Variants in PPP4R4 observed in about 807,000 individuals in gnomAD.
PPP4R4 encodes the protein protein phosphatase 4 regulatory subunit 4.
PPP4R4 carries 70 observed loss-of-function variants against 121.8 expected under a neutral mutation model. That is an observed-to-expected ratio of 0.57 (90% CI 0.47 to 0.70). The LOEUF is 0.70. Ranked by LOEUF, PPP4R4 falls within the 30% of genes least tolerant of loss-of-function variation. PPP4R4 has a pLI of 0.00. For synonymous variants in PPP4R4, 348 were observed against 355.7 expected (o/e 0.98, Z 0.24); for missense variants, 875 against 1,033.6 (o/e 0.85, Z 2.10).
intron 16 of PPP4R4, among the ~76,000 whole-genome samples, chr14:94,253,946 G>A (rs898961015): frequency 2.0e-5 from 3 of 152,186 alleles, no homozygotes; most frequent in Non-Finnish European, 4.4e-5. Flanking sequence ...GATCATGTTG[G>A]TTAGGAGGAC....
intron 16 of PPP4R4, among the ~76,000 whole-genome samples, chr14:94,254,083 T>A (rs1206992570): frequency 2.0e-5 from 3 of 152,186 alleles, no homozygotes; most frequent in African/African-American, 7.2e-5. Context: ...TATTCTGAGG[T>A]ACAAATAACT....
intron 16 of PPP4R4, among the ~76,000 whole-genome samples, chr14:94,253,565 G>A (rs1329267318): frequency 6.6e-6 from 1 of 152,184 alleles, no homozygotes; most frequent in East Asian, 1.9e-4. Context: ...TTCTATAAAA[G>A]CAACTTTCAA....
chr14:94,209,603 A>G (rs1890636312), intron 3 of PPP4R4, among the ~76,000 whole-genome samples: 1 of 152,032 alleles, frequency 6.6e-6, no homozygotes. Flanking sequence ...GCTTTTTTAT[A>G]TCTGTTTTTC....
chr14:94,200,381 G>A (rs985382318), intron 2 of PPP4R4, among the ~76,000 whole-genome samples: 2 of 152,168 alleles, frequency 1.3e-5, no homozygotes, highest in African/African-American at 4.8e-5. Flanking sequence ...GTGTTGGATA[G>A]TGGTAATGGC....
chr14:94,197,923 TATA>T (rs569088591), intron 2 of PPP4R4, among the ~76,000 whole-genome samples: 1 of 152,246 alleles, frequency 6.6e-6, no homozygotes, highest in South Asian at 2.1e-4. Flanking sequence ...CTGTATGGAA[TATA>T]ATAATTTGAT....
intron 3 of PPP4R4, among the ~76,000 whole-genome samples, chr14:94,213,656 T>C (rs1040485778): frequency 6.6e-6 from 1 of 152,058 alleles, no homozygotes; most frequent in Admixed American, 6.5e-5. Context: ...AAGAATGCAA[T>C]GTGAAGATGG....
intron 12 of PPP4R4, among the ~76,000 whole-genome samples, chr14:94,245,019 C>A (rs938836831): frequency 4.0e-5 from 6 of 151,844 alleles, no homozygotes; most frequent in African/African-American, 1.5e-4. Flanking sequence ...TATTTGTTTT[C>A]TTTTTCTTTT....
At chr14:94,202,105 A>G (rs1181500729) in intron 2 of PPP4R4, among the ~76,000 whole-genome samples, 1 of 152,152 alleles carries the variant, frequency 6.6e-6, no homozygotes, top group Non-Finnish European at 1.5e-5. Flanking sequence ...CTAAGCTATG[A>G]GGACGCAAAG....
chr14:94,245,688 G>A lies in PPP4R4; in HGVS notation c.1428+18G>A, dbSNP rs1178008942. On this transcript the variant is annotated intron_variant, in intron 13 of 24. Transcript: ENST00000304338. The stretch of plus-strand genomic sequence containing the variant: ...AAAATAAGGTAAACTTCATCTTTCA[G>A]AAACATTCTGAGTTGTGTAAATATT... 2.0e-6 allele frequency: 3 copies of A among 1,512,340 alleles called. No homozygotes were observed. The South Asian group carries it at 3.5e-5, about 18-fold the overall frequency. The allele number at this position is 1,512,340 out of a possible 1,614,324, so 93.7% of individuals were successfully genotyped here. A position where few individuals can be genotyped will look rare whatever the true frequency, so the allele number is the denominator to read the frequency against.
At chr14:94,250,090 A>G (rs1893097047) in intron 14 of PPP4R4, 82 bp from the exon 15 acceptor site, 1 of 895,810 alleles carries the variant, frequency 1.1e-6, no homozygotes, top group African/African-American at 1.7e-5. Flanking sequence ...TTTGTCAATA[A>G]CTTAAAATTG....
At chr14:94,201,457 C>G (rs956478122) in intron 2 of PPP4R4, among the ~76,000 whole-genome samples, 4 of 152,052 alleles carry the variant, frequency 2.6e-5, no homozygotes, top group African/African-American at 9.7e-5. Flanking sequence ...GTGCTGCTGT[C>G]TTAGGTCTAG....
At position 94,231,326 on chromosome 14, in the gene PPP4R4, C is replaced by G. The variant is rs1394586061; in HGVS notation, c.516+11C>G. ...ACCCTACGGCATGAGGTAATACTTT[C>G]ATGGGGGCAAATACTAATAAGTAAG... On this transcript the variant is annotated intron_variant, in intron 5 of 24. Transcript: ENST00000304338. The G allele has an allele frequency of 1.9e-6, 3 of 1,586,772 alleles. No individual in the cohort carries two copies. Among genetic ancestry groups the G allele is most frequent in the South Asian group, 1.1e-5 (1 of 89,508 alleles).
chr14:94,247,118 C>T (rs1394244961), intron 14 of PPP4R4, among the ~76,000 whole-genome samples: 3 of 152,196 alleles, frequency 2.0e-5, no homozygotes, highest in Non-Finnish European at 4.4e-5. Flanking sequence ...AGGTGGCACT[C>T]AAGCCTCCCC....
At chr14:94,182,875 G>T (rs1028722597) in intron 2 of PPP4R4, among the ~76,000 whole-genome samples, 1 of 152,068 alleles carries the variant, frequency 6.6e-6, no homozygotes, top group African/African-American at 2.4e-5. Flanking sequence ...TGACCAGTTT[G>T]TACTTCTGCC....
At chr14:94,258,072 G>A (rs1021208081) in intron 17 of PPP4R4, among the ~76,000 whole-genome samples, 1 of 152,036 alleles carries the variant, frequency 6.6e-6, no homozygotes, top group African/African-American at 2.4e-5. Flanking sequence ...TAAAAAGAGA[G>A]TCTTTCATGG....
intron 15 of PPP4R4, 142 bp from the exon 16 acceptor site, chr14:94,251,607 A>G (rs1282648512): frequency 3.5e-6 from 2 of 572,048 alleles, no homozygotes; most frequent in African/African-American, 3.9e-5. Flanking sequence ...TATAATAATG[A>G]TATTTTTCCT....
intron 16 of PPP4R4, 149 bp from the exon 17 acceptor site, chr14:94,256,311 A>T: frequency 1.7e-6 from 1 of 579,734 alleles, no homozygotes; most frequent in Non-Finnish European, 2.8e-6. Flanking sequence ...ATCCAGAATG[A>T]TGAATGTTTG....
At position 94,230,681 on chromosome 14, in the gene PPP4R4, A is replaced by G. The variant is rs1255723606; in HGVS notation, c.389A>G (p.Tyr130Cys). 1.2e-6 allele frequency: 2 copies of G among 1,613,258 alleles called. No homozygotes were observed. The highest frequency in any genetic ancestry group is 1.3e-5 in the African/African-American group (1 of 74,918). The change falls in exon 4 of 25, where the codon TAT becomes TGT. Residue 130 changes from tyrosine (Y) to cysteine (C), a missense_variant. Physicochemically the swap from Tyr to Cys is radical, Grantham distance 194. Transcript: ENST00000304338. ...LQDESVSIHA[Y>C]THSFLQVILL... is the part of the protein sequence containing the mutation. ...GACGAATCAGTGTCAATTCATGCAT[A>G]TACCCACTCATTCCTCCAAGTCATT...
intron 23 of PPP4R4, among the ~76,000 whole-genome samples, chr14:94,274,874 CTG>C (rs957539110): frequency 2.0e-5 from 3 of 151,856 alleles, no homozygotes; most frequent in African/African-American, 7.3e-5. Context: ...TATATAAAAA[CTG>C]GAAAAAAATA....
Sources: allele counts gnomAD v4.1 joint callset (sites outside exome capture counted in the v4.1 genomes callset), GRCh38; gene constraint gnomAD v4.1.1; transcripts MANE v1.5; gene names NCBI Gene and HGNC (gene_info 2026-07-23, HGNC 2026-07-21).